PGM2: variants seen among roughly 807,000 people sequenced by gnomAD.
The protein encoded by PGM2 is phosphopentomutase.
PGM2 carries 57 observed loss-of-function variants against 74.6 expected under a neutral mutation model. The observed-to-expected ratio is 0.76, with a 90% confidence interval of 0.62 to 0.95. The LOEUF is 0.95. PGM2 is among the 40% of genes least tolerant of loss of function. The pLI is 0.00. For missense variants in PGM2, 706 were observed against 741.9 expected (o/e 0.95, Z 0.56); for synonymous variants, 273 against 260.7 (o/e 1.05, Z -0.46).
chr4:37,858,495 C>G (rs11096908), intron 13 of PGM2, among the ~76,000 whole-genome samples: 28,955 of 149,952 alleles, frequency 0.19, 3,460 homozygotes, highest in East Asian at 0.41. Flanking sequence ...CACCACCACA[C>G]CCAGCTAATT....
At chr4:37,855,109 T>C (rs1238984178) in intron 12 of PGM2, among the ~76,000 whole-genome samples, 1 of 152,194 alleles carries the variant, frequency 6.6e-6, no homozygotes, top group Non-Finnish European at 1.5e-5. Flanking sequence ...AGTCACCGTA[T>C]TGTACAATAG....
rs144125166 is a variant in PGM2, at chr4:37,840,104, C to T, written c.564C>T (p.His188=). 293 of 1,613,894 alleles carry T rather than the reference C, an allele frequency of 1.8e-4. No homozygotes were observed. The highest frequency in any genetic ancestry group is 6.5e-4 in the Admixed American group (39 of 60,010). ...WDNGAQIISP[H]DKGISQAIEE... is the part of the protein sequence containing the mutation. ...ATGGAGCTCAGATCATTTCTCCTCA[C>T]GATAAAGGGATTTCTCAAGCTATTG... The change falls in exon 6 of 14, where the codon CAC becomes CAT. Residue 188 remains histidine, a synonymous_variant. Transcript: ENST00000381967.
At chr4:37,849,448 T>A (rs1172075616) in intron 11 of PGM2, among the ~76,000 whole-genome samples, 1 of 140,096 alleles carries the variant, frequency 7.1e-6, no homozygotes, top group Non-Finnish European at 1.5e-5. Flanking sequence ...GGTCTTGCTC[T>A]GTCACCAGGC....
At chr4:37,858,353 T>C (rs1030945639) in intron 13 of PGM2, among the ~76,000 whole-genome samples, 3 of 152,008 alleles carry the variant, frequency 2.0e-5, no homozygotes, top group African/African-American at 7.2e-5. Flanking sequence ...TTTTGTTTTT[T>C]TTTTAAGACA....
intron 2 of PGM2, among the ~76,000 whole-genome samples, chr4:37,830,397 A>G (rs1725410240): frequency 6.6e-6 from 1 of 152,200 alleles, no homozygotes; most frequent in Non-Finnish European, 1.5e-5. Flanking sequence ...GGATATAAGA[A>G]TGACTCGAAC....
chr4:37,856,316 C>T (rs13144259), intron 13 of PGM2, among the ~76,000 whole-genome samples: 69,690 of 151,658 alleles, frequency 0.46, 16,334 homozygotes, highest in Non-Finnish European at 0.49. Flanking sequence ...ACCTGGTAGG[C>T]GGAGCTTGCA....
intron 2 of PGM2, among the ~76,000 whole-genome samples, chr4:37,833,588 A>G (rs1725490600): frequency 6.6e-6 from 1 of 152,190 alleles, no homozygotes; most frequent in African/African-American, 2.4e-5. Context: ...ATATTTTAAT[A>G]AGACTTCCTT....
chr4:37,860,569 C>T (rs2152183071), intron 13 of PGM2, among the ~76,000 whole-genome samples: 1 of 152,290 alleles, frequency 6.6e-6, no homozygotes, highest in Middle Eastern at 3.4e-3. Context: ...TTAGCTATTA[C>T]AGTACTGTTT....
rs34587864 is a variant in PGM2 at position 37,849,404 on chromosome 4, C to CTT, written c.1413-755_1413-754dup. Among the ~76,000 whole-genome samples, 31 of 62,858 alleles carry CTT rather than the reference C, an allele frequency of 4.9e-4. 1 individual carries two copies. Among genetic ancestry groups the CTT allele is most frequent in the South Asian group, 2.4e-3 (4 of 1,666 alleles). 41.2% of individuals were successfully genotyped at this position (62,858 alleles called of 152,430 possible). A position where few individuals can be genotyped will look rare whatever the true frequency, so the allele number is the denominator to read the frequency against. On this transcript the variant is annotated intron_variant, in intron 11 of 13. Coordinates refer to ENST00000381967, the MANE Select transcript of PGM2 (RefSeq NM_018290.4). ...ATCCCTGGGGTAGATTGTTGGACCTCTTTTTTTTTTTTTTTTTTTTTTTTT... is the reference window on the plus strand; with the variant it reads ...ATCCCTGGGGTAGATTGTTGGACCTCTTTTTTTTTTTTTTTTTTTTTTTTTTT...
At chr4:37,846,406 A>T (rs1725873370) in intron 8 of PGM2, among the ~76,000 whole-genome samples, 1 of 152,164 alleles carries the variant, frequency 6.6e-6, no homozygotes, top group Non-Finnish European at 1.5e-5. Flanking sequence ...ATACGTCCTG[A>T]TAGGTGAGAT....
At chr4:37,845,754 T>C (rs764557852) in intron 8 of PGM2, 24 bp downstream of exon 8, 2 of 1,366,486 alleles carry the variant, frequency 1.5e-6, no homozygotes, top group South Asian at 2.3e-5. Flanking sequence ...TGATTACCTA[T>C]ATTATAGAAC....
At chr4:37,851,607 G>A (rs1387771982) in intron 12 of PGM2, among the ~76,000 whole-genome samples, 1 of 152,116 alleles carries the variant, frequency 6.6e-6, no homozygotes, top group African/African-American at 2.4e-5. Context: ...AATAGAAATA[G>A]TATGAAAACG....
At chr4:37,854,692 ACTC>A (rs568525930) in intron 12 of PGM2, among the ~76,000 whole-genome samples, 42 of 151,260 alleles carry the variant, frequency 2.8e-4, no homozygotes, top group Non-Finnish European at 5.8e-4. Context: ...AACAAAAAAA[ACTC>A]CTTATGGAAT....
At chr4:37,845,402 C>T (rs1356125862) in intron 7 of PGM2, among the ~76,000 whole-genome samples, 1 of 152,178 alleles carries the variant, frequency 6.6e-6, no homozygotes, top group Non-Finnish European at 1.5e-5. Flanking sequence ...GGTCACACAC[C>T]GATGCTCCCA....
At chr4:37,838,677 A>G (rs1416277963) in intron 4 of PGM2, among the ~76,000 whole-genome samples, 1 of 152,180 alleles carries the variant, frequency 6.6e-6, no homozygotes, top group Non-Finnish European at 1.5e-5. Flanking sequence ...TCACATCTAA[A>G]TGTAGTTCAG....
chr4:37,830,379 A>G (rs1410771759), intron 2 of PGM2, among the ~76,000 whole-genome samples: 1 of 152,220 alleles, frequency 6.6e-6, no homozygotes, highest in Non-Finnish European at 1.5e-5. Flanking sequence ...ACCATGTGCC[A>G]GCACTGGGGA....
In PGM2 at chr4:37,862,546, T is replaced by C. The variant is rs1439686909; in HGVS notation, c.*934T>C. ...TAACAAATAGATTTATTATTTAATC[T>C]GTACCTTCTATCTTCTCATAATTCG... On this transcript the variant is annotated 3_prime_UTR_variant, in exon 14 of 14. Transcript: ENST00000381967. 1 of 152,268 alleles carries C rather than the reference T, an allele frequency of 6.6e-6. No homozygotes were observed. Among genetic ancestry groups the C allele is most frequent in the East Asian group, 1.9e-4 (1 of 5,180 alleles). The allele number at this position is 152,268 out of a possible 1,614,324, so 9.4% of individuals were successfully genotyped here.
At chr4:37,847,449 C>G in intron 10 of PGM2, 154 bp downstream of exon 10, 1 of 589,912 alleles carries the variant, frequency 1.7e-6, no homozygotes, top group Non-Finnish European at 3.0e-6. Context: ...ATTGACATCT[C>G]AGATGATTTA....
At position 37,843,611 on chromosome 4, in the gene PGM2, T is replaced by TTA. The variant is rs1491323660; in HGVS notation, c.720-752_720-751insAT. 3.0e-4 allele frequency among the ~76,000 whole-genome samples: 41 copies of TTA among 138,934 alleles called. 1 individual carries two copies. The highest frequency in any genetic ancestry group is 1.1e-3 in the African/African-American group (38 of 35,934). 91.1% of individuals were successfully genotyped at this position (138,934 alleles called of 152,430 possible). A position where few individuals can be genotyped will look rare whatever the true frequency, so the allele number is the denominator to read the frequency against. On this transcript the variant is annotated intron_variant, in intron 6 of 13. Coordinates refer to ENST00000381967, the MANE Select transcript of PGM2 (RefSeq NM_018290.4). ...AAGTTTTATTTATTTATTATTATTA[T>TTA]TTTTTTTTTTTTCCTGAGACGGAGT...
Sources: gnomAD v4.1 joint callset for allele counts (sites outside exome capture counted in the v4.1 genomes callset) on GRCh38, gnomAD v4.1.1 for gene constraint, MANE v1.5 for transcripts, NCBI Gene and HGNC (gene_info 2026-07-23, HGNC 2026-07-21) for gene names.